Variants in RAB28 observed in about 807,000 individuals in gnomAD.
RAB28 encodes RAB28, member RAS oncogene family, also known as ras-related protein Rab-28.
RAB28 carries 24 observed loss-of-function variants against 31.7 expected under a neutral mutation model. The ratio of observed to expected loss-of-function variants is 0.76; its 90% CI spans 0.55 to 1.06. The LOEUF (loss-of-function observed/expected upper bound fraction) is 1.06. RAB28 is among the 50% of genes least tolerant of loss of function. The pLI is 0.00. For synonymous variants in RAB28, 100 were observed against 90.4 expected (o/e 1.11, Z -0.60); for missense variants, 254 against 258.5 (o/e 0.98, Z 0.12).
At chr4:13,394,397 C>T (rs188110447) in intron 4 of RAB28, among the ~76,000 whole-genome samples, 4 of 152,240 alleles carry the variant, frequency 2.6e-5, no homozygotes, top group South Asian at 4.2e-4. Flanking sequence ...ATAGGGTTCA[C>T]GCTCCTATGA....
intron 4 of RAB28, among the ~76,000 whole-genome samples, chr4:13,416,959 G>A (rs538383816): frequency 3.9e-5 from 6 of 152,302 alleles, no homozygotes; most frequent in South Asian, 2.1e-4. Flanking sequence ...AAACACAAGG[G>A]GTCGGGGGAT....
chr4:13,460,026 T>C (rs563866319), intron 4 of RAB28: 2 of 638,842 alleles, frequency 3.1e-6, no homozygotes, highest in Non-Finnish European at 4.9e-6. Context: ...TCAAAACAGT[T>C]ATTGAAAAGA....
intron 4 of RAB28, among the ~76,000 whole-genome samples, chr4:13,395,746 C>T (rs1729849245): frequency 1.3e-5 from 2 of 152,066 alleles, no homozygotes; most frequent in Non-Finnish European, 2.9e-5. Flanking sequence ...GTACATTTCA[C>T]AGATCAGAGC....
chr4:13,371,298 G>A (rs1375003862), intron 6 of RAB28: 1 of 985,006 alleles, frequency 1.0e-6, no homozygotes, highest in Non-Finnish European at 1.2e-6. Flanking sequence ...GTATGAATCG[G>A]GGGGTACATC....
rs12502074 is a variant in RAB28, at chr4:13,407,973, C to T, written c.392-26379G>A. Among the ~76,000 whole-genome samples the T allele has an allele frequency of 6.1e-3, 926 of 152,204 alleles. 40 individuals carry two copies. The highest frequency in any genetic ancestry group is 0.056 in the Admixed American group (849 of 15,268). ...ATGTCATCTGCAAACAGAGACAATT[C>T]GACTTCTCTTCCTATTTGAATACCC... On this transcript the variant is annotated intron_variant, in intron 4 of 6. Transcript: ENST00000330852.
intron 4 of RAB28, among the ~76,000 whole-genome samples, chr4:13,396,528 G>A (rs140157543): frequency 1.2e-3 from 190 of 152,112 alleles, no homozygotes; most frequent in African/African-American, 4.4e-3. Context: ...TAAAAAATTA[G>A]CAGAACTTGA....
intron 4 of RAB28, among the ~76,000 whole-genome samples, chr4:13,409,700 T>C (rs1712311944): frequency 6.6e-6 from 1 of 152,230 alleles, no homozygotes; most frequent in African/African-American, 2.4e-5. Flanking sequence ...TCAAAAAGTA[T>C]GCCTAACACT....
chr4:13,424,207 A>G (rs989350822), intron 4 of RAB28, among the ~76,000 whole-genome samples: 6 of 152,226 alleles, frequency 3.9e-5, no homozygotes, highest in African/African-American at 7.2e-5. Context: ...AAAGTACTAC[A>G]AACTGTGTGG....
chr4:13,477,395 T>C (rs11730154), intron 2 of RAB28, among the ~76,000 whole-genome samples: 8,901 of 151,614 alleles, frequency 0.059, 597 homozygotes, highest in African/African-American at 0.17. Context: ...ATTCACCGAC[T>C]ATGCTATAAA....
intron 6 of RAB28, among the ~76,000 whole-genome samples, chr4:13,373,939 A>G (rs1728819124): frequency 6.6e-6 from 1 of 151,652 alleles, no homozygotes; most frequent in Non-Finnish European, 1.5e-5. Context: ...GTGTGTGTAT[A>G]TATATGTATG....
intron 4 of RAB28, among the ~76,000 whole-genome samples, chr4:13,428,512 A>G (rs1326041702): frequency 6.6e-6 from 1 of 152,250 alleles, no homozygotes; most frequent in Admixed American, 6.5e-5. Context: ...TGAACTAATC[A>G]ATAAGCACTT....
chr4:13,466,198 A>G (rs1270413164), intron 3 of RAB28, among the ~76,000 whole-genome samples: 1 of 151,952 alleles, frequency 6.6e-6, no homozygotes, highest in Non-Finnish European at 1.5e-5. Flanking sequence ...AACCACAGAC[A>G]ACAAAAGCAA....
chr4:13,406,695 T>A (rs1440515335), intron 4 of RAB28, among the ~76,000 whole-genome samples: 1 of 152,262 alleles, frequency 6.6e-6, no homozygotes, highest in Non-Finnish European at 1.5e-5. Flanking sequence ...ATCGCCATTC[T>A]AACTGGCATG....
At chr4:13,456,234 G>C (rs1352360556) in intron 4 of RAB28, among the ~76,000 whole-genome samples, 3 of 152,154 alleles carry the variant, frequency 2.0e-5, no homozygotes, top group African/African-American at 7.2e-5. Context: ...GGGTAGGGGA[G>C]AACAGAAATA....
At chr4:13,445,229 G>A (rs1714635271) in intron 4 of RAB28, among the ~76,000 whole-genome samples, 1 of 151,710 alleles carries the variant, frequency 6.6e-6, no homozygotes, top group South Asian at 2.1e-4. Flanking sequence ...AGCTCCATCA[G>A]GTCTTTAATG....
chr4:13,431,040 T>A (rs1713780771), intron 4 of RAB28, among the ~76,000 whole-genome samples: 1 of 152,044 alleles, frequency 6.6e-6, no homozygotes, highest in Non-Finnish European at 1.5e-5. Flanking sequence ...AAAGAAAGTG[T>A]CTTTTGTGCT....
chr4:13,459,895 T>C, intron 4 of RAB28: 2 of 1,289,366 alleles, frequency 1.6e-6, no homozygotes, highest in Non-Finnish European at 2.0e-6. Flanking sequence ...GCTGTGTTGC[T>C]GTTCTTCATA....
intron 2 of RAB28, among the ~76,000 whole-genome samples, chr4:13,476,934 C>G (rs1282014067): frequency 6.6e-6 from 1 of 151,416 alleles, no homozygotes; most frequent in African/African-American, 2.4e-5. Context: ...TGAATTAAAG[C>G]CACCAAGAGG....
chr4:13,392,885 A>G (rs888252526), intron 4 of RAB28, among the ~76,000 whole-genome samples: 52 of 152,226 alleles, frequency 3.4e-4, no homozygotes, highest in Non-Finnish European at 4.4e-4. Context: ...TCATCTATAA[A>G]ATGAAAACAA....
Sources: gnomAD v4.1 joint callset for allele counts (sites outside exome capture counted in the v4.1 genomes callset) on GRCh38, gnomAD v4.1.1 for gene constraint, MANE v1.5 for transcripts, NCBI Gene and HGNC (gene_info 2026-07-23, HGNC 2026-07-21) for gene names.